CNTNAP4: variants seen among roughly 807,000 people sequenced by gnomAD.
The protein encoded by CNTNAP4 is contactin associated protein family member 4.
In CNTNAP4, 98 loss-of-function variants were observed where a neutral mutation model predicts 148.4. The observed-to-expected ratio is 0.66, with a 90% CI of 0.56 to 0.78. The LOEUF (loss-of-function observed/expected upper bound fraction) is 0.78. Among genes scored for constraint, CNTNAP4 ranks in the 30% least tolerant of loss-of-function variants. The pLI is 0.00. For synonymous variants in CNTNAP4, 730 were observed against 565.1 expected, an observed-to-expected ratio of 1.29 and a Z score of -4.14; for missense variants, 1,935 against 1,565.6, an observed-to-expected ratio of 1.24 and a Z score of -3.98.
At chr16:76,292,061 T>TCCA (rs1959137834) in intron 1 of CNTNAP4, among the ~76,000 whole-genome samples, 1 of 152,228 alleles carries the variant, frequency 6.6e-6, no homozygotes, top group East Asian at 1.9e-4. Context: ...GACTTATTTT[T>TCCA]TGATTTCTCA....
At chr16:76,553,714 A>C (rs925123268) in intron 22 of CNTNAP4, 122 bp from the exon 23 acceptor site, 1 of 678,702 alleles carries the variant, frequency 1.5e-6, no homozygotes, top group Non-Finnish European at 2.5e-6. Context: ...TAAATTGAAA[A>C]TAACAGAGAT....
intron 1 of CNTNAP4, among the ~76,000 whole-genome samples, chr16:76,279,765 T>A (rs1449390169): frequency 6.6e-6 from 1 of 152,200 alleles, no homozygotes; most frequent in Non-Finnish European, 1.5e-5. Flanking sequence ...AGTAATTTAT[T>A]GTGAATATTT....
chr16:76,287,131 A>G (rs1304131015), intron 1 of CNTNAP4, among the ~76,000 whole-genome samples: 2 of 152,214 alleles, frequency 1.3e-5, no homozygotes, highest in Admixed American at 6.5e-5. Context: ...AATATACAAA[A>G]AATAGCAATA....
At chr16:76,422,732 A>T (rs2079233088) in intron 3 of CNTNAP4, among the ~76,000 whole-genome samples, 1 of 152,092 alleles carries the variant, frequency 6.6e-6, no homozygotes, top group Non-Finnish European at 1.5e-5. Context: ...TCAGTTGTAA[A>T]GTGGGTACAA....
intron 2 of CNTNAP4, among the ~76,000 whole-genome samples, chr16:76,345,995 A>G (rs1474336735): frequency 6.6e-6 from 1 of 152,200 alleles, no homozygotes; most frequent in African/African-American, 2.4e-5. Flanking sequence ...AGCCCTTACC[A>G]GGAACTGAAT....
intron 1 of CNTNAP4, among the ~76,000 whole-genome samples, chr16:76,291,873 C>T (rs1959131223): frequency 6.6e-6 from 1 of 152,206 alleles, no homozygotes; most frequent in Non-Finnish European, 1.5e-5. Context: ...AATCTTAGCA[C>T]AGCATCTGTT....
At chr16:76,347,275 T>C (rs1157902373) in intron 2 of CNTNAP4, among the ~76,000 whole-genome samples, 1 of 152,112 alleles carries the variant, frequency 6.6e-6, no homozygotes, top group Non-Finnish European at 1.5e-5. Context: ...GCTTTTTCAG[T>C]AGGTTGTATA....
intron 4 of CNTNAP4, among the ~76,000 whole-genome samples, chr16:76,440,090 T>A (rs2145137593): frequency 6.6e-6 from 1 of 152,286 alleles, no homozygotes; most frequent in Middle Eastern, 3.4e-3. Flanking sequence ...AACAGTATGA[T>A]CAGTGTTTAA....
At position 76,491,627 on chromosome 16, in the gene CNTNAP4, C is replaced by T. The variant is rs530709795; in HGVS notation, c.2080+1744C>T. 3.1e-3 allele frequency among the ~76,000 whole-genome samples: 472 copies of T among 152,206 alleles called. 2 individuals carry two copies. The highest frequency in any genetic ancestry group is 0.011 in the African/African-American group (456 of 41,536). On this transcript the variant is annotated intron_variant, in intron 13 of 23. Coordinates refer to ENST00000611870, the MANE Select transcript of CNTNAP4 (RefSeq NM_033401.5). ...AGAATAAAAAAACAGATAAGCAAAT[C>T]TGGAAGGGTATTCTAAGAAGAAGAA...
intron 11 of CNTNAP4, 149 bp from the exon 12 acceptor site, chr16:76,479,270 A>G (rs1480667265): frequency 1.0e-5 from 5 of 489,844 alleles, no homozygotes; most frequent in Non-Finnish European, 1.7e-5. Flanking sequence ...TTAAAAAAGA[A>G]TGAGTTTTGT....
rs555644618 is a variant in CNTNAP4, at chr16:76,494,293, A to G, written c.2081-617A>G. On this transcript the variant is annotated intron_variant, in intron 13 of 23. Transcript: ENST00000611870. ...ATTGAGTGTAATATTCGCTTCCAGC[A>G]TGAAGATTTTTCAGTGTTATTTCTG... 1.6e-4 allele frequency among the ~76,000 whole-genome samples: 25 copies of G among 152,308 alleles called. No homozygotes were observed. The South Asian group carries it at 1.9e-3, about 11-fold the overall frequency.
chr16:76,368,159 C>G (rs2014378415), intron 3 of CNTNAP4, among the ~76,000 whole-genome samples: 1 of 152,162 alleles, frequency 6.6e-6, no homozygotes. Context: ...ATCTTAGATT[C>G]TCCTGCACAT....
rs1490101752 is a variant in CNTNAP4, at chr16:76,448,186, G to C, written c.713G>C (p.Arg238Thr). ...GATCACATCACACTGCAATTAAGAA[G>C]AGCAAGACTCTTTTTACTTATTAAT... ...NGDHITLQLR[R>T]ARLFLLINSG... The change falls in exon 5 of 24, where the codon AGA (arginine) becomes ACA (threonine). Residue 238 changes from arginine to threonine, a missense_variant. Arg to Thr is a moderately conservative substitution (Grantham distance 71). Coordinates refer to ENST00000611870, the MANE Select transcript of CNTNAP4 (RefSeq NM_033401.5). The C allele has an allele frequency of 1.2e-6, 2 of 1,612,844 alleles. No individual in the cohort carries two copies. The highest frequency in any genetic ancestry group is 2.7e-5 in the African/African-American group (2 of 74,894).
chr16:76,395,857 T>G (rs1439559154), intron 3 of CNTNAP4, among the ~76,000 whole-genome samples: 1 of 151,974 alleles, frequency 6.6e-6, no homozygotes, highest in Non-Finnish European at 1.5e-5. Context: ...GCCTCCCTAG[T>G]AGCTAGGACT....
intron 2 of CNTNAP4, among the ~76,000 whole-genome samples, chr16:76,326,628 A>G (rs1963002379): frequency 6.6e-6 from 1 of 152,202 alleles, no homozygotes; most frequent in South Asian, 2.1e-4. Context: ...ATAAAAAATG[A>G]TGAGTTCATG....
At chr16:76,405,071 A>G (rs915829802) in intron 3 of CNTNAP4, among the ~76,000 whole-genome samples, 3 of 152,162 alleles carry the variant, frequency 2.0e-5, no homozygotes, top group African/African-American at 7.2e-5. Context: ...ATGTATTTCA[A>G]ATGAGGAAAA....
intron 15 of CNTNAP4, among the ~76,000 whole-genome samples, chr16:76,498,897 G>A (rs1473614440): frequency 1.3e-5 from 2 of 152,222 alleles, no homozygotes; most frequent in African/African-American, 2.4e-5. Context: ...TCCAGGGACT[G>A]GGGACAGGAA....
chr16:76,457,024 TATGACAAC>T (rs2080760120), intron 8 of CNTNAP4, among the ~76,000 whole-genome samples: 1 of 152,222 alleles, frequency 6.6e-6, no homozygotes, highest in African/African-American at 2.4e-5. Flanking sequence ...ATTTTATTAT[TATGACAAC>T]ATGTTCCTCC....
chr16:76,474,516 A>T (rs887910929), intron 10 of CNTNAP4, among the ~76,000 whole-genome samples: 2 of 152,196 alleles, frequency 1.3e-5, no homozygotes, highest in Non-Finnish European at 2.9e-5. Flanking sequence ...AAAATTTTAT[A>T]AGCAAAACGG....
Sources: gnomAD v4.1 joint callset for allele counts (sites outside exome capture counted in the v4.1 genomes callset) on GRCh38, gnomAD v4.1.1 for gene constraint, MANE v1.5 for transcripts, NCBI Gene and HGNC (gene_info 2026-07-23, HGNC 2026-07-21) for gene names.